The following RELN variants were observed in gnomAD, a reference collection of about 807,000 sequenced individuals.
RELN encodes the protein reelin.
Under a neutral mutation model 427.6 loss-of-function variants are expected in RELN, and 108 were observed. That is an observed-to-expected ratio of 0.25 (90% CI 0.22 to 0.30). The LOEUF (loss-of-function observed/expected upper bound fraction) is 0.30, where lower values mean the gene tolerates loss of function less well. Among genes scored for constraint, RELN ranks in the 10% least tolerant of loss-of-function variants. The pLI is 1.00. For synonymous variants in RELN, 1,524 were observed against 1,513.4 expected, an observed-to-expected ratio of 1.01 and a Z score of -0.16; for missense variants, 3,715 against 4,302.8, an observed-to-expected ratio of 0.86 and a Z score of 3.82.
intron 28 of RELN, among the ~76,000 whole-genome samples, chr7:103,585,103 A>G (rs889176986): frequency 6.6e-6 from 1 of 152,186 alleles, no homozygotes; most frequent in Non-Finnish European, 1.5e-5. Flanking sequence ...TATATAAAAA[A>G]GATAGAAAGA....
chr7:103,706,471 G>T (rs1156475740), intron 8 of RELN, among the ~76,000 whole-genome samples: 1 of 152,098 alleles, frequency 6.6e-6, no homozygotes. Flanking sequence ...GCTATTAGTA[G>T]GCGTTTCTAC....
rs987415721 is a variant in RELN at position 103,557,450 on chromosome 7, T to C, written c.5615-291A>G. Among the ~76,000 whole-genome samples, 3 of 152,242 alleles carry C rather than the reference T, an allele frequency of 2.0e-5. No individual in the cohort carries two copies. The South Asian group carries it at 6.2e-4, about 32-fold the overall frequency. ...AAACATTACATCAAAACATTTTGAT[T>C]CTACAGGCATCACGATTTTACAAAG... is the stretch of plus-strand genomic sequence containing the variant. On this transcript the variant is annotated intron_variant, in intron 37 of 64. Transcript: ENST00000428762.
chr7:103,884,462 C>A (rs889656270), intron 2 of RELN, among the ~76,000 whole-genome samples: 1 of 152,074 alleles, frequency 6.6e-6, no homozygotes, highest in Non-Finnish European at 1.5e-5. Context: ...AGCTTCTGCA[C>A]AACAAAAGAA....
chr7:103,934,412 A>G (rs1795935018), intron 1 of RELN, among the ~76,000 whole-genome samples: 1 of 152,176 alleles, frequency 6.6e-6, no homozygotes, highest in South Asian at 2.1e-4. Flanking sequence ...AGCTTAAGCC[A>G]TAGCCAGAAA....
chr7:103,625,910 C>T (rs1005321585), intron 20 of RELN, among the ~76,000 whole-genome samples: 1 of 151,908 alleles, frequency 6.6e-6, no homozygotes, highest in African/African-American at 2.4e-5. Flanking sequence ...CACTCTATGC[C>T]CAACTAATAG....
chr7:103,743,371 C>T (rs577096073), intron 6 of RELN, among the ~76,000 whole-genome samples: 5 of 152,122 alleles, frequency 3.3e-5, no homozygotes, highest in African/African-American at 1.2e-4. Context: ...GCAAAATAAC[C>T]AGCTAACATC....
Position 103,573,751 on chromosome 7 carries a change from AT to A in RELN, c.4511+340del, listed in dbSNP as rs1364313192. On this transcript the variant is annotated intron_variant, in intron 30 of 64. Transcript: ENST00000428762. This position sits in a 1 kb window ranked among gnomAD's most constrained non-coding sequence, Gnocchi z 4.4. Reference sequence around the variant, plus strand: ...AGGACGCATCAATTTCAGACATAGAATGTAAGGTTGGAAAAATCTTTGTTTC... The same window carrying A: ...AGGACGCATCAATTTCAGACATAGAAGTAAGGTTGGAAAAATCTTTGTTTC... Among the ~76,000 whole-genome samples, 1 of 152,208 alleles carries A rather than the reference AT, an allele frequency of 6.6e-6. No homozygotes were observed. The highest frequency in any genetic ancestry group is 1.5e-5 in the Non-Finnish European group (1 of 68,034).
chr7:103,795,524 C>T (rs1367964759), intron 3 of RELN, among the ~76,000 whole-genome samples: 1 of 152,168 alleles, frequency 6.6e-6, no homozygotes, highest in Non-Finnish European at 1.5e-5. Flanking sequence ...GCAAAAGAGA[C>T]TGAATCAACT....
intron 1 of RELN, among the ~76,000 whole-genome samples, chr7:103,955,182 T>G (rs1289900804): frequency 1.3e-5 from 2 of 152,234 alleles, no homozygotes; most frequent in Non-Finnish European, 2.9e-5. Context: ...GGATCCAGTC[T>G]TATCTATGCC....
At position 103,558,008 on chromosome 7, in the gene RELN, T is replaced by G. The variant is rs374234799; in HGVS notation, c.5571A>C (p.Thr1857=). 6.6e-7 allele frequency: 1 copy of G among 1,505,102 alleles called. No homozygotes were observed. The highest frequency in any genetic ancestry group is 9.3e-7 in the Non-Finnish European group (1 of 1,080,982). The allele number at this position is 1,505,102 out of a possible 1,614,324, so 93.2% of individuals were successfully genotyped here. A position where few individuals can be genotyped will look rare whatever the true frequency, so the allele number is the denominator to read the frequency against. The change falls in exon 37 of 65, where the codon ACA becomes ACC. Residue 1857 remains threonine (T), a synonymous_variant. Transcript: ENST00000428762. ...RMLISRDLDC[T]NTMYVQFSLR... is the part of the protein sequence containing the mutation. Reference sequence around the variant, plus strand: ...GTGAAAACTGGACATACATTGTATTTGTACAATCTAGATCTCTTGAAATAA... The same window carrying G: ...GTGAAAACTGGACATACATTGTATTGGTACAATCTAGATCTCTTGAAATAA...
At chr7:103,487,448 G>T in intron 60 of RELN, among the ~76,000 whole-genome samples, 1 of 124,890 alleles carries the variant, frequency 8.0e-6, no homozygotes, top group Non-Finnish European at 1.6e-5. Flanking sequence ...AAAAATGAAT[G>T]TTGTTACAGT....
At chr7:103,566,197 T>C in intron 33 of RELN, 27 bp downstream of exon 33, 1 of 1,565,214 alleles carries the variant, frequency 6.4e-7, no homozygotes, top group Non-Finnish European at 8.8e-7. Flanking sequence ...ATCAGATATT[T>C]TCCCTTTATC....
chr7:103,760,896 A>AATTT (rs764127917), intron 4 of RELN, among the ~76,000 whole-genome samples: 15 of 97,418 alleles, frequency 1.5e-4, no homozygotes, highest in Non-Finnish European at 2.8e-4. Flanking sequence ...CCCCAGGAAT[A>AATTT]ATTTATTACT....
intron 38 of RELN, among the ~76,000 whole-genome samples, chr7:103,556,618 T>C (rs889560552): frequency 6.6e-6 from 1 of 152,160 alleles, no homozygotes; most frequent in Non-Finnish European, 1.5e-5. Flanking sequence ...CTTGTGGCAG[T>C]GAATAAGTCT....
chr7:103,768,703 C>T (rs1791487879), intron 4 of RELN, among the ~76,000 whole-genome samples: 1 of 152,152 alleles, frequency 6.6e-6, no homozygotes, highest in African/African-American at 2.4e-5. Flanking sequence ...ATGGTTCCTG[C>T]CTTCAAAAAG....
chr7:103,937,721 C>T (rs1331463234), intron 1 of RELN, among the ~76,000 whole-genome samples: 1 of 152,152 alleles, frequency 6.6e-6, no homozygotes, highest in African/African-American at 2.4e-5. Flanking sequence ...TGGCTTAATG[C>T]TTATAACATC....
chr7:103,957,003 G>A (rs993765776), intron 1 of RELN, among the ~76,000 whole-genome samples: 4 of 152,174 alleles, frequency 2.6e-5, no homozygotes, highest in African/African-American at 7.2e-5. Context: ...CAGGTAACAG[G>A]AGACTAAGAA....
chr7:103,676,573 A>G (rs1165876070), intron 11 of RELN, among the ~76,000 whole-genome samples: 2 of 152,358 alleles, frequency 1.3e-5, no homozygotes, highest in African/African-American at 4.8e-5. Context: ...TCATGCTACT[A>G]TACAGACACA....
intron 2 of RELN, among the ~76,000 whole-genome samples, chr7:103,880,327 A>G (rs891181896): frequency 6.6e-6 from 1 of 152,162 alleles, no homozygotes; most frequent in Non-Finnish European, 1.5e-5. Context: ...AAAACTTCAC[A>G]TCTTTTTAAA....
Sources: gnomAD v4.1 joint callset for allele counts (sites outside exome capture counted in the v4.1 genomes callset) on GRCh38, gnomAD v4.1.1 for gene constraint, Gnocchi (gnomAD v3.1) non-coding constraint, MANE v1.5 for transcripts, NCBI Gene and HGNC (gene_info 2026-07-23, HGNC 2026-07-21) for gene names.